NRDC: variants seen among roughly 807,000 people sequenced by gnomAD.
NRDC encodes nardilysin.
Under a neutral mutation model 147.1 loss-of-function variants are expected in NRDC, and 54 were observed. The observed-to-expected ratio is 0.37, with a 90% CI of 0.29 to 0.46. The LOEUF (loss-of-function observed/expected upper bound fraction) is 0.46. NRDC is among the 20% of genes least tolerant of loss of function. The pLI is 1.00. For synonymous variants in NRDC, 440 were observed against 482.1 expected, an observed-to-expected ratio of 0.91 and a Z score of 1.14; for missense variants, 1,082 against 1,370.6, an observed-to-expected ratio of 0.79 and a Z score of 3.33.
rs751899827 is a variant in NRDC at position 51,789,304 on chromosome 1, G to GGAT, written c.3385_3387dup (p.Ile1129dup). On this transcript the variant is annotated inframe_insertion, in exon 31 of 31. Coordinates refer to ENST00000352171, the MANE Select transcript of NRDC (RefSeq NM_001101662.2). ...GTGAAAGCCCTGATATCAGTAATGG[G>GGAT]GATGATACAATCTGCCAGCAGAGGA... The GGAT allele has an allele frequency of 1.4e-5, 22 of 1,614,012 alleles. 1 individual carries two copies. In the South Asian group the frequency reaches 2.1e-4, roughly 15 times the overall value.
chr1:51,791,918 G>T, intron 26 of NRDC, 128 bp downstream of exon 26: 2 of 960,462 alleles, frequency 2.1e-6, no homozygotes, highest in Non-Finnish European at 1.6e-6. Flanking sequence ...AAGTTTGGAT[G>T]ACTAAATATC....
At chr1:51,872,751 G>C (rs1571929158) in intron 1 of NRDC, among the ~76,000 whole-genome samples, 1 of 152,110 alleles carries the variant, frequency 6.6e-6, no homozygotes, top group South Asian at 2.1e-4. Flanking sequence ...AATAGTAAGA[G>C]ACAAAAGATA....
chr1:51,827,056 A>C (rs542278045), intron 5 of NRDC, among the ~76,000 whole-genome samples: 21 of 152,358 alleles, frequency 1.4e-4, no homozygotes, highest in Admixed American at 1.1e-3. Flanking sequence ...CAAGTAAAAA[A>C]ATAAAGAAAA....
chr1:51,841,908 GACTGAAC>G (rs759531828), intron 1 of NRDC, among the ~76,000 whole-genome samples: 4 of 152,190 alleles, frequency 2.6e-5, no homozygotes, highest in Non-Finnish European at 5.9e-5. Flanking sequence ...TAAGATGGAA[GACTGAAC>G]ACTGGGATTT....
At chr1:51,806,263 T>C (rs1679458372) in intron 18 of NRDC, among the ~76,000 whole-genome samples, 1 of 152,216 alleles carries the variant, frequency 6.6e-6, no homozygotes, top group African/African-American at 2.4e-5. Flanking sequence ...CTTTCACATT[T>C]GTAATGCTGG....
At chr1:51,795,316 A>G (rs1485828131) in intron 22 of NRDC, 1 of 825,668 alleles carries the variant, frequency 1.2e-6, no homozygotes, top group Non-Finnish European at 1.7e-6. Context: ...TGGAGGGATT[A>G]GCTCTTCTCT....
chr1:51,858,605 G>C (rs1194531602), intron 1 of NRDC, among the ~76,000 whole-genome samples: 2 of 152,090 alleles, frequency 1.3e-5, no homozygotes, highest in Non-Finnish European at 2.9e-5. Flanking sequence ...ATAAAATGTT[G>C]ATAAAATGTA....
At chr1:51,858,992 T>C (rs1181881950) in intron 1 of NRDC, among the ~76,000 whole-genome samples, 3 of 152,212 alleles carry the variant, frequency 2.0e-5, no homozygotes, top group Non-Finnish European at 4.4e-5. Flanking sequence ...CACATCATTT[T>C]TTCCTTGGTT....
chr1:51,873,036 G>C (rs769124588), intron 1 of NRDC, among the ~76,000 whole-genome samples: 4 of 152,082 alleles, frequency 2.6e-5, no homozygotes, highest in Non-Finnish European at 5.9e-5. Context: ...AGCAATATTT[G>C]TGTGTCTGTG....
chr1:51,843,726 T>G (rs573015046), intron 1 of NRDC, among the ~76,000 whole-genome samples: 4 of 152,322 alleles, frequency 2.6e-5, no homozygotes, highest in African/African-American at 9.6e-5. Flanking sequence ...CAGGACAAGT[T>G]AAAATCCAAG....
At chr1:51,818,545 T>G (rs856615) in intron 9 of NRDC, among the ~76,000 whole-genome samples, 122,134 of 152,198 alleles carry the variant, frequency 0.8, 50,022 homozygotes, top group East Asian at 0.98. Context: ...TAAAATGAGT[T>G]AGTTGGGTTA....
chr1:51,841,525 T>C (rs145329667), intron 1 of NRDC, among the ~76,000 whole-genome samples: 30 of 152,294 alleles, frequency 2.0e-4, no homozygotes, highest in African/African-American at 7.2e-4. Flanking sequence ...CAAGCTGGTC[T>C]TGAACTCCTG....
Position 51,878,137 on chromosome 1 carries a change from C to T in NRDC, c.341+138G>A, listed in dbSNP as rs1683423128. The T allele has an allele frequency of 3.6e-5, 51 of 1,418,476 alleles. 1 individual carries two copies. In the South Asian group the frequency reaches 6.6e-4, roughly 18 times the overall value. The allele number at this position is 1,418,476 out of a possible 1,614,324, so 87.9% of individuals were successfully genotyped here. ...GGGAAGCCTCTAATCACGCTTGCCA[C>T]CTCCACCCAAGGAAGCATTTGGGGT... is the stretch of plus-strand genomic sequence containing the variant. On this transcript the variant is annotated intron_variant, in intron 1 of 30. Coordinates refer to ENST00000352171, the MANE Select transcript of NRDC (RefSeq NM_001101662.2).
intron 11 of NRDC, 24 bp from the exon 12 acceptor site, chr1:51,814,837 C>G (rs1679884989): frequency 6.4e-7 from 1 of 1,550,488 alleles, no homozygotes; most frequent in Admixed American, 2.1e-5. Context: ...AAAAATTAAC[C>G]CAATCAATGT....
At chr1:51,817,467 C>G (rs1411132720) in intron 10 of NRDC, among the ~76,000 whole-genome samples, 1 of 152,200 alleles carries the variant, frequency 6.6e-6, no homozygotes, top group Non-Finnish European at 1.5e-5. Flanking sequence ...AACTCCTTTC[C>G]CAATCTGCAT....
chr1:51,813,783 T>C (rs945235248), intron 14 of NRDC, among the ~76,000 whole-genome samples: 5 of 152,216 alleles, frequency 3.3e-5, no homozygotes, highest in African/African-American at 1.2e-4. Context: ...TGGATGACTA[T>C]GTAGATAAAT....
At chr1:51,839,511 T>G (rs996164159) in intron 2 of NRDC, among the ~76,000 whole-genome samples, 9 of 152,184 alleles carry the variant, frequency 5.9e-5, no homozygotes, top group African/African-American at 2.2e-4. Flanking sequence ...TCCACTGTAC[T>G]GGCTCCGAAA....
At chr1:51,852,352 A>G (rs964142399) in intron 1 of NRDC, among the ~76,000 whole-genome samples, 3 of 151,722 alleles carry the variant, frequency 2.0e-5, no homozygotes, top group African/African-American at 7.3e-5. Context: ...TGATAGTAAG[A>G]GATTTGAAAG....
chr1:51,867,609 T>C (rs1429372956), intron 1 of NRDC, among the ~76,000 whole-genome samples: 1 of 152,174 alleles, frequency 6.6e-6, no homozygotes, highest in East Asian at 1.9e-4. Flanking sequence ...CTATGAACAG[T>C]GGTGACCTGA....
Sources: gnomAD v4.1 joint callset for allele counts (sites outside exome capture counted in the v4.1 genomes callset) on GRCh38, gnomAD v4.1.1 for gene constraint, MANE v1.5 for transcripts, NCBI Gene and HGNC (gene_info 2026-07-23, HGNC 2026-07-21) for gene names.